Variants in ISY1 observed in about 807,000 individuals in gnomAD.
ISY1 encodes the protein pre-mRNA-splicing factor ISY1 homolog.
Under a neutral mutation model 54.4 loss-of-function variants are expected in ISY1, and 12 were observed. The ratio of observed to expected loss-of-function variants is 0.22; its 90% CI spans 0.14 to 0.36. The LOEUF (loss-of-function observed/expected upper bound fraction) is 0.36, where lower values mean the gene tolerates loss of function less well. ISY1 is among the 10% of genes least tolerant of loss of function. ISY1 has a pLI of 1.00. For missense variants in ISY1, 282 were observed against 342.2 expected, an observed-to-expected ratio of 0.82 and a Z score of 1.39; for synonymous variants, 96 against 117.9, an observed-to-expected ratio of 0.81 and a Z score of 1.20.
intron 5 of ISY1, among the ~76,000 whole-genome samples, chr3:129,155,469 C>G (rs544427748): frequency 6.6e-6 from 1 of 152,194 alleles, no homozygotes; most frequent in East Asian, 1.9e-4. Context: ...GCTGGGATTA[C>G]AGGTGTGAGC....
chr3:129,158,608 A>G (rs1301380999), intron 2 of ISY1, 49 bp from the exon 3 acceptor site: 2 of 1,612,796 alleles, frequency 1.2e-6, no homozygotes, highest in Non-Finnish European at 1.7e-6. Flanking sequence ...CTGCTCATAC[A>G]GACTTCTCAT....
At chr3:129,160,876 C>T in intron 1 of ISY1, 97 bp downstream of exon 1, 1 of 1,444,984 alleles carries the variant, frequency 6.9e-7, no homozygotes. Context: ...CAGCACTGCA[C>T]GTCTGAGCCT....
intron 8 of ISY1, 45 bp from the exon 9 acceptor site, chr3:129,134,240 A>G (rs1290546088): frequency 6.2e-7 from 1 of 1,612,720 alleles, no homozygotes; most frequent in Non-Finnish European, 8.5e-7. Context: ...TCTCTAAATG[A>G]GCTTTCAACA....
intron 7 of ISY1, among the ~76,000 whole-genome samples, chr3:129,135,960 T>G (rs1936384823): frequency 6.6e-6 from 1 of 152,028 alleles, no homozygotes; most frequent in South Asian, 2.1e-4. Flanking sequence ...ACACAGGAAC[T>G]GTCATAATGT....
chr3:129,160,894 A>ATGAGCGCCCCAGGTGGAC, intron 1 of ISY1, 79 bp downstream of exon 1: 1 of 1,520,368 alleles, frequency 6.6e-7, no homozygotes, highest in Non-Finnish European at 8.9e-7. Flanking sequence ...CCTCTACCGA[A>ATGAGCGCCCCAGGTGGAC]TGAGCGCCCC....
chr3:129,152,286 GTTT>G (rs1252578247), intron 5 of ISY1, among the ~76,000 whole-genome samples: 1 of 152,122 alleles, frequency 6.6e-6, no homozygotes, highest in Non-Finnish European at 1.5e-5. Context: ...AGATCATACA[GTTT>G]TTCTTCTTTG....
chr3:129,128,908 C>T lies in ISY1; in HGVS notation c.*1173G>A, dbSNP rs1385777329. On this transcript the variant is annotated 3_prime_UTR_variant, in exon 11 of 11. Coordinates refer to ENST00000393295, the MANE Select transcript of ISY1 (RefSeq NM_020701.4). ...GAGCTAAGCCCCAGTTCAGAGGAAGCTCTGGACTCAGCTCGTGTCCACTGT... is the reference window on the plus strand; with the variant it reads ...GAGCTAAGCCCCAGTTCAGAGGAAGTTCTGGACTCAGCTCGTGTCCACTGT... 1 of 152,422 alleles carries T rather than the reference C, an allele frequency of 6.6e-6. No individual in the cohort carries two copies. The highest frequency in any genetic ancestry group is 1.5e-5 in the Non-Finnish European group (1 of 68,200). 9.4% of individuals were successfully genotyped at this position (152,422 alleles called of 1,614,324 possible).
In ISY1 at chr3:129,130,599, T is replaced by TCGTCCCCTCCTTTCTCCTGGCTGC. The variant is rs766955046; in HGVS notation, c.677_700dup (p.Gly226_Asp233dup). 15 of 1,614,086 alleles carry TCGTCCCCTCCTTTCTCCTGGCTGC rather than the reference T, an allele frequency of 9.3e-6. No homozygotes were observed. The highest frequency in any genetic ancestry group is 1.2e-5 in the Non-Finnish European group (14 of 1,180,038). ...GTGAGCAATGAACTTCTGCTGGCTG[T>TCGTCCCCTCCTTTCTCCTGGCTGC]CGTCCCCTCCTTTCTCCTGGCTGCC... On this transcript the variant is annotated inframe_insertion, in exon 10 of 11. Coordinates refer to ENST00000393295, the MANE Select transcript of ISY1 (RefSeq NM_020701.4).
chr3:129,147,099 G>C (rs572681972), intron 5 of ISY1, among the ~76,000 whole-genome samples: 40 of 151,354 alleles, frequency 2.6e-4, no homozygotes, highest in African/African-American at 9.7e-4. Context: ...TTGTAACTGG[G>C]TGCGGTGGCT....
intron 9 of ISY1, among the ~76,000 whole-genome samples, chr3:129,133,730 A>G (rs1936305193): frequency 6.6e-6 from 1 of 152,194 alleles, no homozygotes; most frequent in African/African-American, 2.4e-5. Context: ...TAGACTACAG[A>G]AGAGCAACTG....
intron 5 of ISY1, among the ~76,000 whole-genome samples, chr3:129,151,750 G>A (rs1936978546): frequency 6.6e-6 from 1 of 152,148 alleles, no homozygotes; most frequent in Non-Finnish European, 1.5e-5. Flanking sequence ...AGGATTTCCA[G>A]CATCACGCTG....
intron 8 of ISY1, among the ~76,000 whole-genome samples, chr3:129,134,596 G>A (rs1473531185): frequency 6.6e-6 from 1 of 152,162 alleles, no homozygotes; most frequent in Non-Finnish European, 1.5e-5. Flanking sequence ...TGACCTCCTA[G>A]CAGACAGGGA....
chr3:129,149,809 G>GAAAA (rs1936905565), intron 5 of ISY1, among the ~76,000 whole-genome samples: 1 of 110,940 alleles, frequency 9.0e-6, no homozygotes, highest in Non-Finnish European at 1.9e-5. Flanking sequence ...AAAAAAAAAA[G>GAAAA]AAAGAAAGAA....
At chr3:129,148,248 T>C (rs893807678) in intron 5 of ISY1, among the ~76,000 whole-genome samples, 6 of 152,206 alleles carry the variant, frequency 3.9e-5, no homozygotes, top group African/African-American at 1.2e-4. Flanking sequence ...ATAAACATTA[T>C]GTATGAGTTT....
chr3:129,147,704 T>C (rs1936812495), intron 5 of ISY1, among the ~76,000 whole-genome samples: 1 of 152,212 alleles, frequency 6.6e-6, no homozygotes, highest in African/African-American at 2.4e-5. Context: ...CATATAATCA[T>C]GTAATCATCA....
At chr3:129,145,997 A>G in intron 5 of ISY1, 124 bp from the exon 6 acceptor site, 1 of 856,894 alleles carries the variant, frequency 1.2e-6, no homozygotes, top group Non-Finnish European at 1.7e-6. Flanking sequence ...CTACATAAAA[A>G]CACTCATCTA....
intron 5 of ISY1, among the ~76,000 whole-genome samples, chr3:129,155,128 A>G (rs1408989470): frequency 6.6e-6 from 1 of 151,570 alleles, no homozygotes. Context: ...TTCTAATTTC[A>G]CAGGGTAGAA....
chr3:129,139,036 G>A (rs1220886273), intron 7 of ISY1, among the ~76,000 whole-genome samples: 2 of 151,868 alleles, frequency 1.3e-5, no homozygotes, highest in African/African-American at 4.8e-5. Context: ...CCAGGTTCAA[G>A]TGATTCTCCT....
chr3:129,141,705 T>A (rs1936621953), intron 6 of ISY1, among the ~76,000 whole-genome samples: 1 of 150,716 alleles, frequency 6.6e-6, no homozygotes, highest in African/African-American at 2.4e-5. Context: ...AGTGAGCTGA[T>A]ATCACACCAC....
Sources: gnomAD v4.1 joint callset for allele counts (sites outside exome capture counted in the v4.1 genomes callset) on GRCh38, gnomAD v4.1.1 for gene constraint, MANE v1.5 for transcripts, NCBI Gene and HGNC (gene_info 2026-07-23, HGNC 2026-07-21) for gene names.